NEO1: variants seen among roughly 807,000 people sequenced by gnomAD.
The protein encoded by NEO1 is neogenin.
Under a neutral mutation model 159.7 loss-of-function variants are expected in NEO1, and 63 were observed. That is an observed-to-expected ratio of 0.39 (90% CI 0.32 to 0.49). The LOEUF (loss-of-function observed/expected upper bound fraction) is 0.49, where lower values mean the gene tolerates loss of function less well. NEO1 is among the 20% of genes least tolerant of loss of function. NEO1 has a pLI of 0.85. For synonymous variants in NEO1, 633 were observed against 662.0 expected, an observed-to-expected ratio of 0.96 and a Z score of 0.67; for missense variants, 1,615 against 1,831.0, an observed-to-expected ratio of 0.88 and a Z score of 2.15.
At chr15:73,174,018 T>G (rs1026272514) in intron 5 of NEO1, among the ~76,000 whole-genome samples, 2 of 151,424 alleles carry the variant, frequency 1.3e-5, no homozygotes, top group Non-Finnish European at 1.5e-5. Flanking sequence ...AAGAATCGCT[T>G]GAACCTGTGA....
At chr15:73,205,815 G>A (rs982079162) in intron 7 of NEO1, among the ~76,000 whole-genome samples, 4 of 152,108 alleles carry the variant, frequency 2.6e-5, no homozygotes, top group Non-Finnish European at 4.4e-5. Flanking sequence ...TTTCTTGTAA[G>A]AATGAAAATG....
chr15:73,250,080 G>A (rs959636405), intron 11 of NEO1, among the ~76,000 whole-genome samples: 1 of 152,062 alleles, frequency 6.6e-6, no homozygotes, highest in Non-Finnish European at 1.5e-5. Flanking sequence ...ATTCTACTTA[G>A]CAATGATATT....
Position 73,304,377 on chromosome 15 carries a change from G to A in NEO1, c.*1681G>A, listed in dbSNP as rs1474848962. ...AGAAGACAGCGTGGAAGGCAGTGTA[G>A]ACAGTAAATCGGGCTTCAGTTCTAT... On this transcript the variant is annotated 3_prime_UTR_variant, in exon 29 of 29. Transcript: ENST00000261908. 1 of 152,380 alleles carries A rather than the reference G, an allele frequency of 6.6e-6. No individual in the cohort carries two copies. Among genetic ancestry groups the A allele is most frequent in the East Asian group, 1.9e-4 (1 of 5,184 alleles). The allele number at this position is 152,380 out of a possible 1,614,324, so 9.4% of individuals were successfully genotyped here.
rs1030481784 is a variant in NEO1, at chr15:73,084,306, A to G, written c.130+31501A>G. Among the ~76,000 whole-genome samples the G allele has an allele frequency of 3.9e-5, 6 of 152,222 alleles. No homozygotes were observed. The South Asian group carries it at 1.2e-3, about 32-fold the overall frequency. ...TTATCCTTTTGCTAACATCACCCAA[A>G]TCCCCACCCTTCAACCTCTGGTAAC... On this transcript the variant is annotated intron_variant, in intron 1 of 28. Transcript: ENST00000261908.
chr15:73,100,448 C>T (rs2070339951), intron 1 of NEO1, among the ~76,000 whole-genome samples: 1 of 151,984 alleles, frequency 6.6e-6, no homozygotes, highest in South Asian at 2.1e-4. Context: ...GATTCTCCTG[C>T]CTCAGCCTCT....
In NEO1 at chr15:73,095,646, C is replaced by T. The variant is rs115114269; in HGVS notation, c.131-20894C>T. On this transcript the variant is annotated intron_variant, in intron 1 of 28. Transcript: ENST00000261908. Reference sequence around the variant, plus strand: ...AGATGATTTGGTTCTATAGCATTCACGAAAGATGACCAATTAGTCTTTATT... The same window carrying T: ...AGATGATTTGGTTCTATAGCATTCATGAAAGATGACCAATTAGTCTTTATT... Among the ~76,000 whole-genome samples the T allele has an allele frequency of 2.3e-3, 336 of 148,188 alleles. 1 individual carries two copies. The highest frequency in any genetic ancestry group is 8.1e-3 in the African/African-American group (325 of 40,334).
intron 18 of NEO1, among the ~76,000 whole-genome samples, chr15:73,272,208 T>C (rs113163021): frequency 1.5e-3 from 233 of 152,332 alleles, no homozygotes; most frequent in African/African-American, 5.3e-3. Flanking sequence ...AATTATCCTG[T>C]TTATCCCTGA....
At chr15:73,097,579 C>T (rs987607594) in intron 1 of NEO1, among the ~76,000 whole-genome samples, 2 of 151,480 alleles carry the variant, frequency 1.3e-5, no homozygotes, top group South Asian at 2.1e-4. Flanking sequence ...CAGGCTGGTC[C>T]GGAACTCCTG....
intron 7 of NEO1, among the ~76,000 whole-genome samples, chr15:73,233,864 G>A (rs1447181859): frequency 2.0e-5 from 3 of 152,124 alleles, no homozygotes; most frequent in Non-Finnish European, 4.4e-5. Flanking sequence ...CACTTTTCTT[G>A]TTTGGTATTT....
intron 7 of NEO1, among the ~76,000 whole-genome samples, chr15:73,220,958 A>G (rs1047141161): frequency 2.0e-5 from 3 of 152,120 alleles, no homozygotes; most frequent in Admixed American, 6.5e-5. Flanking sequence ...GCTTTGTTCC[A>G]TTGCTGGTGA....
intron 7 of NEO1, among the ~76,000 whole-genome samples, chr15:73,205,251 T>C (rs1158965638): frequency 1.3e-5 from 2 of 152,216 alleles, no homozygotes; most frequent in African/African-American, 4.8e-5. Context: ...CTTTCCCATC[T>C]GTAGTGTTCC....
chr15:73,289,894 G>C (rs936298936), intron 25 of NEO1, among the ~76,000 whole-genome samples: 1 of 152,118 alleles, frequency 6.6e-6, no homozygotes, highest in African/African-American at 2.4e-5. Context: ...AGGTTGCAGT[G>C]AGCCAAAATC....
At chr15:73,211,552 T>G (rs1596352533) in intron 7 of NEO1, among the ~76,000 whole-genome samples, 2 of 152,246 alleles carry the variant, frequency 1.3e-5, no homozygotes, top group African/African-American at 4.8e-5. Context: ...CCGTCTCTAC[T>G]AAAAATACAA....
At chr15:73,099,868 A>G (rs1187338644) in intron 1 of NEO1, among the ~76,000 whole-genome samples, 8 of 152,234 alleles carry the variant, frequency 5.3e-5, no homozygotes, top group Non-Finnish European at 1.0e-4. Context: ...CGCTTTAAAA[A>G]TGTGAAATAA....
At chr15:73,146,133 A>G (rs186788822) in intron 5 of NEO1, among the ~76,000 whole-genome samples, 78 of 152,342 alleles carry the variant, frequency 5.1e-4, no homozygotes, top group Admixed American at 7.2e-4. Flanking sequence ...TTAATTATGC[A>G]CATGTATTTT....
At chr15:73,205,324 C>G (rs1045890737) in intron 7 of NEO1, among the ~76,000 whole-genome samples, 4 of 152,168 alleles carry the variant, frequency 2.6e-5, no homozygotes, top group African/African-American at 9.7e-5. Flanking sequence ...TCTTCTAACC[C>G]CCACTTAGGT....
At chr15:73,221,139 C>G (rs991398307) in intron 7 of NEO1, among the ~76,000 whole-genome samples, 75 of 152,168 alleles carry the variant, frequency 4.9e-4, no homozygotes, top group Non-Finnish European at 5.7e-4. Context: ...AGTTTTCCTT[C>G]TAACAGACAG....
At chr15:73,165,548 A>G (rs1323892827) in intron 5 of NEO1, among the ~76,000 whole-genome samples, 1 of 152,222 alleles carries the variant, frequency 6.6e-6, no homozygotes, top group Admixed American at 6.5e-5. Flanking sequence ...ATCAAATGGT[A>G]CAAAAACATA....
At chr15:73,253,486 T>C in intron 12 of NEO1, 37 bp downstream of exon 12, 2 of 1,495,040 alleles carry the variant, frequency 1.3e-6, no homozygotes, top group East Asian at 2.3e-5. Flanking sequence ...TTTTTACTGG[T>C]ATACTGTTGC....
Sources: allele counts gnomAD v4.1 joint callset (sites outside exome capture counted in the v4.1 genomes callset), GRCh38; gene constraint gnomAD v4.1.1; transcripts MANE v1.5; gene names NCBI Gene and HGNC (gene_info 2026-07-23, HGNC 2026-07-21).